The following COL21A1 variants were observed in gnomAD, a reference collection of about 807,000 sequenced individuals.
The protein encoded by COL21A1 is collagen alpha-1(XXI) chain.
In COL21A1, 149 loss-of-function variants were observed where a neutral mutation model predicts 137.9. The observed-to-expected ratio is 1.08, with a 90% CI of 0.95 to 1.24. The LOEUF (loss-of-function observed/expected upper bound fraction) is 1.24. COL21A1 is among the 50% of genes most tolerant of loss of function. COL21A1 has a pLI of 0.00. For missense variants in COL21A1, 1,167 were observed against 1,158.4 expected, an observed-to-expected ratio of 1.01 and a Z score of -0.11; for synonymous variants, 456 against 391.5, an observed-to-expected ratio of 1.16 and a Z score of -1.95.
Position 56,325,667 on chromosome 6 carries a change from ATATTAT to A in COL21A1, c.-39+68298_-39+68303del, listed in dbSNP as rs1765039769. On this transcript the variant is annotated intron_variant, in intron 1 of 28. Coordinates refer to the COL21A1 transcript ENST00000370819. ...TAATATAATATATTATATATTAAAT[ATATTAT>A]ATATAATAGATAATATAAATATATA... is the stretch of plus-strand genomic sequence containing the variant. 3.4e-3 allele frequency among the ~76,000 whole-genome samples: 2 copies of A among 594 alleles called. 1 individual carries two copies. The highest frequency in any genetic ancestry group is 1 in the East Asian group (2 of 2). The allele number at this position is 594 out of a possible 152,430, so 0.4% of individuals were successfully genotyped here.
intron 1 of COL21A1, among the ~76,000 whole-genome samples, chr6:56,264,122 A>G (rs553670325): frequency 6.6e-6 from 1 of 152,332 alleles, no homozygotes; most frequent in East Asian, 1.9e-4. Flanking sequence ...TGATGAATGA[A>G]GTCTCCTTGG....
At chr6:56,328,173 G>C (rs1009325269) in intron 1 of COL21A1, among the ~76,000 whole-genome samples, 2 of 152,034 alleles carry the variant, frequency 1.3e-5, no homozygotes, top group African/African-American at 4.8e-5. Context: ...TATAAACCAA[G>C]TATGTAAACT....
chr6:56,092,303 C>G (rs191675856), intron 17 of COL21A1, among the ~76,000 whole-genome samples: 2 of 151,928 alleles, frequency 1.3e-5, no homozygotes, highest in Non-Finnish European at 2.9e-5. Flanking sequence ...GAAAAATAAG[C>G]GAAGTAATTG....
chr6:56,098,710 T>TATATATATAAATATATATAA (rs1770115726), intron 17 of COL21A1, among the ~76,000 whole-genome samples: 2 of 102,288 alleles, frequency 2.0e-5, no homozygotes, highest in African/African-American at 7.6e-5. Context: ...TATATATAAA[T>TATATATATAAATATATATAA]ATATATAAAT....
Position 56,243,731 on chromosome 6 carries a change from T to C in COL21A1, c.-39+3656A>G, listed in dbSNP as rs368172763. Among the ~76,000 whole-genome samples, 96 of 152,302 alleles carry C rather than the reference T, an allele frequency of 6.3e-4. No individual in the cohort carries two copies. The South Asian group carries it at 0.017, about 27-fold the overall frequency. On this transcript the variant is annotated intron_variant, in intron 1 of 29. Transcript: ENST00000244728. ...ATGAGGAAACAGAAGCAAAAGTGAT[T>C]ATGTAACTTGTCCAAGTTTAAACAA...
intron 10 of COL21A1, among the ~76,000 whole-genome samples, chr6:56,150,619 T>A (rs1386635473): frequency 6.6e-6 from 1 of 151,920 alleles, no homozygotes; most frequent in African/African-American, 2.4e-5. Flanking sequence ...ATCCACTCTT[T>A]TGTCTATTGG....
intron 16 of COL21A1, among the ~76,000 whole-genome samples, chr6:56,121,352 T>TA (rs1285821184): frequency 1.3e-5 from 2 of 151,078 alleles, no homozygotes; most frequent in Non-Finnish European, 2.9e-5. Flanking sequence ...CTGGAGAGAG[T>TA]AAAAAGATCA....
chr6:56,275,477 A>G (rs1359696547), intron 1 of COL21A1, among the ~76,000 whole-genome samples: 3 of 152,194 alleles, frequency 2.0e-5, no homozygotes, highest in Non-Finnish European at 4.4e-5. Flanking sequence ...ACAAAGGTCT[A>G]ATATCCGGAA....
chr6:56,215,925 G>T (rs1231397747), intron 1 of COL21A1, among the ~76,000 whole-genome samples: 4 of 152,038 alleles, frequency 2.6e-5, no homozygotes, highest in Admixed American at 6.6e-5. Flanking sequence ...GTGTATATGT[G>T]TATATATTCC....
intron 1 of COL21A1, among the ~76,000 whole-genome samples, chr6:56,241,682 T>C (rs1289430911): frequency 2.0e-5 from 3 of 152,208 alleles, no homozygotes; most frequent in Non-Finnish European, 4.4e-5. Flanking sequence ...ATAATCTCTC[T>C]CCACTTGTTG....
intron 1 of COL21A1, among the ~76,000 whole-genome samples, chr6:56,285,232 C>T (rs4715606): frequency 0.17 from 26,520 of 152,150 alleles, 3,733 homozygotes; most frequent in East Asian, 0.6. Flanking sequence ...TAACTGGGCA[C>T]GGAATAAGAC....
intron 3 of COL21A1, among the ~76,000 whole-genome samples, chr6:56,173,469 AAAGGACTCACTTTAAATTT>A (rs144524241): frequency 0.013 from 2,004 of 152,202 alleles, 51 homozygotes; most frequent in African/African-American, 0.046. Flanking sequence ...AGAGAAATGA[AAAGGACTCACTTTAAATTT>A]AAGGACACAC....
chr6:56,297,871 G>A (rs1181351419), intron 1 of COL21A1, among the ~76,000 whole-genome samples: 1 of 152,032 alleles, frequency 6.6e-6, no homozygotes, highest in African/African-American at 2.4e-5. Context: ...AAAGCTGGTA[G>A]CCGTCTATCA....
At chr6:56,088,371 A>C (rs1768463230) in intron 17 of COL21A1, among the ~76,000 whole-genome samples, 1 of 152,144 alleles carries the variant, frequency 6.6e-6, no homozygotes, top group Non-Finnish European at 1.5e-5. Flanking sequence ...CTCAAAAAAA[A>C]ATAATTTTGC....
chr6:56,139,838 G>T (rs1167039244), intron 12 of COL21A1, among the ~76,000 whole-genome samples: 1 of 152,068 alleles, frequency 6.6e-6, no homozygotes, highest in East Asian at 1.9e-4. Flanking sequence ...GGATGCTGAG[G>T]ACAATGGGAA....
Position 56,060,123 on chromosome 6 carries a change from G to A in COL21A1, c.2503C>T (p.Pro835Ser). ...GSPGIPGPPG[P>S]IGPEGPRGLP... ...CCTCTGGGACCCTCTGGGCCTATCG[G>A]ACCAGGTGGCCCAGGAATACCCGGG... The change falls in exon 28 of 30, where the codon CCG (proline) becomes TCG (serine). Residue 835 changes from proline (P) to serine (S), a missense_variant. Physicochemically the swap from Pro to Ser is moderately conservative, Grantham distance 74. Transcript: ENST00000244728. 2 of 1,610,764 alleles carry A rather than the reference G, an allele frequency of 1.2e-6. No homozygotes were observed. Among genetic ancestry groups the A allele is most frequent in the Non-Finnish European group, 1.7e-6 (2 of 1,179,016 alleles).
intron 1 of COL21A1, among the ~76,000 whole-genome samples, chr6:56,260,484 G>A (rs557965245): frequency 1.3e-5 from 2 of 151,368 alleles, no homozygotes; most frequent in African/African-American, 2.4e-5. Context: ...TGAGGCAGGA[G>A]AATCACTTGA....
chr6:56,232,919 A>G (rs1420348394), intron 1 of COL21A1, among the ~76,000 whole-genome samples: 1 of 151,894 alleles, frequency 6.6e-6, no homozygotes, highest in Non-Finnish European at 1.5e-5. Context: ...TCCATAGCCT[A>G]TATTGCTGGG....
At chr6:56,105,533 A>G (rs1770813152) in intron 16 of COL21A1, among the ~76,000 whole-genome samples, 1 of 152,204 alleles carries the variant, frequency 6.6e-6, no homozygotes, top group Admixed American at 6.5e-5. Flanking sequence ...TTAAGATATC[A>G]TTAAAAACAG....
Sources: gnomAD v4.1 joint callset for allele counts (sites outside exome capture counted in the v4.1 genomes callset) on GRCh38, gnomAD v4.1.1 for gene constraint, MANE v1.5 for transcripts, NCBI Gene and HGNC (gene_info 2026-07-23, HGNC 2026-07-21) for gene names.